The following CXCL13 variants were observed in gnomAD, a reference collection of about 807,000 sequenced individuals.
The protein encoded by CXCL13 is C-X-C motif chemokine ligand 13.
Under a neutral mutation model 12.2 loss-of-function variants are expected in CXCL13, and 7 were observed. That is an observed-to-expected ratio of 0.57 (90% CI 0.33 to 1.07). The LOEUF is 1.07. Among genes scored for constraint, CXCL13 ranks in the 50% least tolerant of loss-of-function variants. The probability of loss-of-function intolerance (pLI) is 0.04; values close to 1 mark genes in which losing one functional copy is unlikely to be tolerated. For synonymous variants in CXCL13, 47 were observed against 42.4 expected, an observed-to-expected ratio of 1.11 and a Z score of -0.42; for missense variants, 113 against 127.4, an observed-to-expected ratio of 0.89 and a Z score of 0.55.
chr4:77,576,989 T>G (rs1459506341), intron 1 of CXCL13, among the ~76,000 whole-genome samples: 1 of 152,180 alleles, frequency 6.6e-6, no homozygotes, highest in Non-Finnish European at 1.5e-5. Context: ...CTAACCCTGC[T>G]TATTCCCGTG....
At chr4:77,595,433 A>G (rs1726726686) in intron 1 of CXCL13, among the ~76,000 whole-genome samples, 1 of 152,226 alleles carries the variant, frequency 6.6e-6, no homozygotes, top group African/African-American at 2.4e-5. Context: ...CCTGCAAGAT[A>G]GTTTGCTCAT....
chr4:77,591,443 C>T (rs886715434), intron 1 of CXCL13, among the ~76,000 whole-genome samples: 2 of 145,260 alleles, frequency 1.4e-5, no homozygotes, highest in African/African-American at 2.6e-5. Flanking sequence ...CCCAGCTACT[C>T]GGGAGGCTGA....
chr4:77,525,011 G>T (rs902138172), intron 1 of CXCL13, among the ~76,000 whole-genome samples: 1 of 152,206 alleles, frequency 6.6e-6, no homozygotes, highest in Non-Finnish European at 1.5e-5. Flanking sequence ...ACAGTGTTGG[G>T]TGGTGAGGCC....
intron 1 of CXCL13, among the ~76,000 whole-genome samples, chr4:77,528,623 C>G (rs1206410770): frequency 1.3e-5 from 2 of 151,950 alleles, no homozygotes; most frequent in Admixed American, 6.6e-5. Context: ...TTTGATGGGC[C>G]TGTTTGTTTT....
intron 1 of CXCL13, among the ~76,000 whole-genome samples, chr4:77,520,315 A>T (rs930799583): frequency 4.6e-5 from 7 of 152,144 alleles, no homozygotes; most frequent in Admixed American, 3.3e-4. Flanking sequence ...CAATATGACC[A>T]TTTTCAAGAT....
intron 1 of CXCL13, among the ~76,000 whole-genome samples, chr4:77,549,989 G>A (rs1725468781): frequency 6.6e-6 from 1 of 152,202 alleles, no homozygotes; most frequent in Admixed American, 6.5e-5. Flanking sequence ...AGCTGTGGTG[G>A]GCTCCACCCA....
chr4:77,600,069 A>C (rs894905735), intron 1 of CXCL13, among the ~76,000 whole-genome samples: 22 of 152,138 alleles, frequency 1.4e-4, no homozygotes, highest in African/African-American at 5.3e-4. Context: ...TAAGACTTGG[A>C]ATATTGGAGA....
chr4:77,547,258 G>T (rs761002379), intron 1 of CXCL13, among the ~76,000 whole-genome samples: 1 of 152,206 alleles, frequency 6.6e-6, no homozygotes, highest in African/African-American at 2.4e-5. Context: ...GCTTGGTGCA[G>T]AGCTGAGTTC....
intron 1 of CXCL13, among the ~76,000 whole-genome samples, chr4:77,524,007 C>G (rs1043242623): frequency 6.6e-6 from 1 of 152,182 alleles, no homozygotes; most frequent in African/African-American, 2.4e-5. Flanking sequence ...GAGGTCCACT[C>G]CAGACCCTGT....
intron 1 of CXCL13, among the ~76,000 whole-genome samples, chr4:77,527,121 G>A (rs1259786445): frequency 3.9e-5 from 6 of 152,046 alleles, no homozygotes; most frequent in African/African-American, 1.4e-4. Context: ...ACCTACAGAT[G>A]GCAAATAATC....
chr4:77,557,352 G>T (rs355679), intron 1 of CXCL13, among the ~76,000 whole-genome samples: 32,404 of 152,044 alleles, frequency 0.21, 3,642 homozygotes, highest in East Asian at 0.35. Flanking sequence ...CAAGGCTGCT[G>T]CAGGGGGCCT....
intron 1 of CXCL13, among the ~76,000 whole-genome samples, chr4:77,520,907 T>C (rs540507950): frequency 1.3e-5 from 2 of 152,326 alleles, no homozygotes; most frequent in African/African-American, 2.4e-5. Flanking sequence ...TCTAGTTTAT[T>C]GAGAGTTTTT....
intron 1 of CXCL13, among the ~76,000 whole-genome samples, chr4:77,559,783 A>C (rs903065119): frequency 6.6e-6 from 1 of 151,968 alleles, no homozygotes. Flanking sequence ...TTAGTCGGGC[A>C]TGGTGGCGGG....
At chr4:77,542,611 G>C (rs6830779) in intron 1 of CXCL13, among the ~76,000 whole-genome samples, 59,047 of 151,862 alleles carry the variant, frequency 0.39, 11,978 homozygotes, top group African/African-American at 0.5. Context: ...GGACACAGAT[G>C]CAAACAATAT....
At chr4:77,590,093 G>T (rs78880635) in intron 1 of CXCL13, among the ~76,000 whole-genome samples, 2,288 of 152,252 alleles carry the variant, frequency 0.015, 60 homozygotes, top group African/African-American at 0.052. Context: ...AATATGTAGA[G>T]GAGTTCCAAG....
At chr4:77,546,870 G>T (rs1380251441) in intron 1 of CXCL13, among the ~76,000 whole-genome samples, 1 of 152,058 alleles carries the variant, frequency 6.6e-6, no homozygotes, top group Admixed American at 6.6e-5. Context: ...TTCTCTTATG[G>T]GCATTTAGTG....
intron 1 of CXCL13, among the ~76,000 whole-genome samples, chr4:77,552,174 C>A (rs1725547893): frequency 6.6e-6 from 1 of 152,150 alleles, no homozygotes; most frequent in African/African-American, 2.4e-5. Context: ...TGCCAGAATT[C>A]TTGTGTCAGT....
intron 1 of CXCL13, among the ~76,000 whole-genome samples, chr4:77,522,348 C>T (rs1434994175): frequency 6.6e-6 from 1 of 151,818 alleles, no homozygotes; most frequent in African/African-American, 2.4e-5. Flanking sequence ...TAAGGACTTG[C>T]TTTATGAATC....
At chr4:77,533,718 C>G (rs527481499) in intron 1 of CXCL13, among the ~76,000 whole-genome samples, 6 of 152,270 alleles carry the variant, frequency 3.9e-5, no homozygotes, top group Non-Finnish European at 5.9e-5. Context: ...TTTACCTACT[C>G]AAGCCTCAGC....
Sources: gnomAD v4.1 joint callset for allele counts (sites outside exome capture counted in the v4.1 genomes callset) on GRCh38, gnomAD v4.1.1 for gene constraint, MANE v1.5 for transcripts, NCBI Gene and HGNC (gene_info 2026-07-23, HGNC 2026-07-21) for gene names.